The following ZNF439 variants were observed in gnomAD, a reference collection of about 807,000 sequenced individuals.
The protein encoded by ZNF439 is zinc finger protein 439.
A neutral mutation model predicts 47.3 loss-of-function variants in ZNF439; 40 were observed. That is an observed-to-expected ratio of 0.85 (90% CI 0.66 to 1.10). The LOEUF (loss-of-function observed/expected upper bound fraction) is 1.10, where lower values mean the gene tolerates loss of function less well. Among genes scored for constraint, ZNF439 ranks in the 50% least tolerant of loss-of-function variants. ZNF439 has a pLI of 0.00. For synonymous variants in ZNF439, 171 were observed against 198.8 expected (o/e 0.86, Z 1.18); for missense variants, 556 against 601.1 (o/e 0.93, Z 0.78).
intron 1 of ZNF439, among the ~76,000 whole-genome samples, chr19:11,851,320 C>G (rs757376743): frequency 6.6e-6 from 1 of 152,142 alleles, no homozygotes; most frequent in Non-Finnish European, 1.5e-5. Context: ...GAAAACTATC[C>G]TTTACATTTT....
intron 1 of ZNF439, among the ~76,000 whole-genome samples, chr19:11,862,453 A>G (rs1175566165): frequency 6.6e-6 from 1 of 151,900 alleles, no homozygotes; most frequent in Non-Finnish European, 1.5e-5. Flanking sequence ...GTTTGATTCT[A>G]ATTTTGGCAG....
In ZNF439 at chr19:11,869,152, T is replaced by C. The variant is rs530706233; in HGVS notation, c.*583T>C. ...ACACACCAGAAGGAAACCCTATGAA[T>C]GTAAGCAATGTGGCAAAAGCTTTCA... On this transcript the variant is annotated 3_prime_UTR_variant, in exon 4 of 4. Coordinates refer to ENST00000682736, the MANE Select transcript of ZNF439 (RefSeq NM_001348719.2). 4.4e-5 allele frequency: 9 copies of C among 204,222 alleles called. No individual in the cohort carries two copies. In the East Asian group the frequency reaches 1.5e-3, roughly 33 times the overall value. 12.7% of individuals were successfully genotyped at this position (204,222 alleles called of 1,614,324 possible).
Position 11,868,691 on chromosome 19 carries a change from C to T in ZNF439, c.*122C>T. 10 of 1,103,032 alleles carry T rather than the reference C, an allele frequency of 9.1e-6. No homozygotes were observed. The highest frequency in any genetic ancestry group is 1.5e-5 in the South Asian group (1 of 68,532). The allele number at this position is 1,103,032 out of a possible 1,614,324, so 68.3% of individuals were successfully genotyped here. A position where few individuals can be genotyped will look rare whatever the true frequency, so the allele number is the denominator to read the frequency against. ...TGGTAAAGCCTTAATTGTTCCAGTT[C>T]CTTTCGATATCTAAAAGGACTCACA... On this transcript the variant is annotated 3_prime_UTR_variant, in exon 4 of 4. Transcript: ENST00000682736.
chr19:11,853,703 C>G (rs559824802), intron 1 of ZNF439, among the ~76,000 whole-genome samples: 6 of 152,172 alleles, frequency 3.9e-5, no homozygotes, highest in African/African-American at 1.4e-4. Context: ...GGGCCTTGGG[C>G]TCCCAACATC....
At chr19:11,860,842 T>A (rs1599319673) in intron 1 of ZNF439, among the ~76,000 whole-genome samples, 1 of 152,194 alleles carries the variant, frequency 6.6e-6, no homozygotes. Context: ...CCAGGGTGAT[T>A]GTCCTCAGTG....
intron 1 of ZNF439, among the ~76,000 whole-genome samples, chr19:11,860,079 T>A (rs73924866): frequency 6.6e-6 from 1 of 152,136 alleles, no homozygotes; most frequent in Admixed American, 6.5e-5. Flanking sequence ...GCAGAAACCA[T>A]GGGTTATGCA....
intron 1 of ZNF439, among the ~76,000 whole-genome samples, chr19:11,865,028 C>T (rs1337042963): frequency 1.3e-5 from 2 of 152,218 alleles, no homozygotes; most frequent in East Asian, 3.9e-4. Context: ...GATCTGCCCG[C>T]CTCCACCTCC....
In ZNF439 at chr19:11,869,258, G is replaced by A. The variant is rs1049749753; in HGVS notation, c.*689G>A. On this transcript the variant is annotated 3_prime_UTR_variant, in exon 4 of 4. Transcript: ENST00000682736. ...TCAATGTAAGCAATGTGGGAAAGCC[G>A]TCAGATCAGCCTCAAGACTTCAAAT... The A allele has an allele frequency of 6.0e-5, 13 of 216,440 alleles. No individual in the cohort carries two copies. Among genetic ancestry groups the A allele is most frequent in the Non-Finnish European group, 1.0e-4 (10 of 99,322 alleles). The allele number at this position is 216,440 out of a possible 1,614,324, so 13.4% of individuals were successfully genotyped here.
intron 1 of ZNF439, among the ~76,000 whole-genome samples, chr19:11,859,709 C>T (rs1305999847): frequency 1.3e-5 from 2 of 152,122 alleles, no homozygotes; most frequent in African/African-American, 4.8e-5. Flanking sequence ...AAGGGCTCTC[C>T]AGCTATGGCA....
chr19:11,865,877 A>G (rs1976664563), intron 1 of ZNF439: 1 of 383,256 alleles, frequency 2.6e-6, no homozygotes, highest in Non-Finnish European at 4.0e-6. Context: ...AAAATACAAA[A>G]TTAGCCGGGT....
intron 1 of ZNF439, chr19:11,849,288 T>C (rs1268132299): frequency 9.9e-7 from 1 of 1,006,282 alleles, no homozygotes; most frequent in African/African-American, 1.7e-5. Context: ...CAGCCTCCAC[T>C]TTCTCCTGTT....
chr19:11,858,505 G>A (rs1453558134), intron 1 of ZNF439, among the ~76,000 whole-genome samples: 1 of 151,418 alleles, frequency 6.6e-6, no homozygotes, highest in Non-Finnish European at 1.5e-5. Flanking sequence ...GCTACAAGAG[G>A]CCAGTCTCTA....
chr19:11,857,183 TCA>T (rs1976409322), intron 1 of ZNF439: 1 of 152,184 alleles, frequency 6.6e-6, no homozygotes, highest in Non-Finnish European at 1.5e-5. Context: ...TGATGAGTAA[TCA>T]CAGGGAAGAT....
chr19:11,866,150 G>C, intron 1 of ZNF439, 55 bp from the exon 2 acceptor site: 1 of 1,611,184 alleles, frequency 6.2e-7, no homozygotes. Context: ...TAGAGTCTAG[G>C]CCCCCAATGC....
intron 1 of ZNF439, among the ~76,000 whole-genome samples, chr19:11,862,217 T>G (rs375916591): frequency 2.0e-5 from 3 of 152,284 alleles, no homozygotes; most frequent in African/African-American, 7.2e-5. Context: ...GCCACTCATT[T>G]TTTTGCATCA....
intron 1 of ZNF439, among the ~76,000 whole-genome samples, chr19:11,865,258 T>C (rs1410867941): frequency 1.3e-5 from 2 of 151,782 alleles, no homozygotes; most frequent in Non-Finnish European, 2.9e-5. Context: ...CTCTTAGGAG[T>C]TTCTTGTTTG....
In ZNF439 at chr19:11,868,220, G is replaced by T; in HGVS notation, c.1166G>T (p.Cys389Phe). Residue 389 changes from cysteine to phenylalanine, a missense_variant, in exon 4 of 4, where the codon TGC (cysteine) becomes TTC (phenylalanine). By Grantham distance (205) the Cys-to-Phe change is radical. Transcript: ENST00000682736. ...CACAGTGGAGAGAAACCGTATAAAT[G>T]CAAGCAATGTGGTAAAGCCTTCACT... is the stretch of plus-strand genomic sequence containing the variant. ...KTHSGEKPYKCKQCGKAFTRS... is the reference protein window; with the variant it reads ...KTHSGEKPYKFKQCGKAFTRS... 1 of 1,614,104 alleles carries T rather than the reference G, an allele frequency of 6.2e-7. No individual in the cohort carries two copies. Among genetic ancestry groups the T allele is most frequent in the Non-Finnish European group, 8.5e-7 (1 of 1,180,008 alleles).
At chr19:11,860,063 CT>C (rs1568256924) in intron 1 of ZNF439, among the ~76,000 whole-genome samples, 1 of 152,168 alleles carries the variant, frequency 6.6e-6, no homozygotes, top group African/African-American at 2.4e-5. Flanking sequence ...TCGAAAGTGC[CT>C]GTCTGCAGAA....
At chr19:11,855,173 C>T (rs774089527) in intron 1 of ZNF439, among the ~76,000 whole-genome samples, 1 of 152,200 alleles carries the variant, frequency 6.6e-6, no homozygotes, top group Non-Finnish European at 1.5e-5. Flanking sequence ...TAAAAGCTTA[C>T]CACCAATGCC....
Sources: allele counts gnomAD v4.1 joint callset (sites outside exome capture counted in the v4.1 genomes callset), GRCh38; gene constraint gnomAD v4.1.1; transcripts MANE v1.5; gene names NCBI Gene and HGNC (gene_info 2026-07-23, HGNC 2026-07-21).